The following OLA1 variants were observed in gnomAD, a reference collection of about 807,000 sequenced individuals.
OLA1 encodes obg-like ATPase 1.
A neutral mutation model predicts 48.4 loss-of-function variants in OLA1; 14 were observed. The ratio of observed to expected loss-of-function variants is 0.29; its 90% CI spans 0.19 to 0.45. The LOEUF (loss-of-function observed/expected upper bound fraction) is 0.45, where lower values mean the gene tolerates loss of function less well. Ranked by LOEUF, OLA1 falls within the 20% of genes least tolerant of loss-of-function variation. The pLI is 1.00. For missense variants in OLA1, 325 were observed against 467.1 expected, an observed-to-expected ratio of 0.70 and a Z score of 2.80; for synonymous variants, 127 against 150.4, an observed-to-expected ratio of 0.84 and a Z score of 1.14.
intron 7 of OLA1, among the ~76,000 whole-genome samples, chr2:174,084,250 A>T (rs981153952): frequency 1.3e-5 from 2 of 152,250 alleles, no homozygotes; most frequent in Non-Finnish European, 2.9e-5. Context: ...GTAAATGAGC[A>T]CTGAGGTCTA....
chr2:174,074,366 A>G lies in OLA1; in HGVS notation c.*1060T>C, dbSNP rs1169669856. Reference sequence around the variant, plus strand: ...CATCACAAGAGAAGGCTAAGTGGCAAAGGGTCTCCAAATTACCAATTTGTT... The same window carrying G: ...CATCACAAGAGAAGGCTAAGTGGCAGAGGGTCTCCAAATTACCAATTTGTT... On this transcript the variant is annotated 3_prime_UTR_variant, in exon 11 of 11. Coordinates refer to ENST00000284719, the MANE Select transcript of OLA1 (RefSeq NM_013341.5). 6.6e-6 allele frequency: 1 copy of G among 152,230 alleles called. No homozygotes were observed. Among genetic ancestry groups the G allele is most frequent in the Non-Finnish European group, 1.5e-5 (1 of 68,058 alleles). The allele number at this position is 152,230 out of a possible 1,614,324, so 9.4% of individuals were successfully genotyped here. A position where few individuals can be genotyped will look rare whatever the true frequency, so the allele number is the denominator to read the frequency against.
intron 2 of OLA1, among the ~76,000 whole-genome samples, chr2:174,246,455 G>A (rs989062061): frequency 7.9e-5 from 12 of 152,144 alleles, no homozygotes; most frequent in African/African-American, 2.9e-4. Flanking sequence ...TTATTATGGT[G>A]GAGCTTTCAA....
chr2:174,181,066 T>C (rs16862458), intron 4 of OLA1, among the ~76,000 whole-genome samples: 18,434 of 152,170 alleles, frequency 0.12, 1,756 homozygotes, highest in African/African-American at 0.26. Flanking sequence ...TCAACAAATA[T>C]TGAAGAGCAC....
intron 4 of OLA1, among the ~76,000 whole-genome samples, chr2:174,161,697 C>T (rs1273212251): frequency 1.3e-5 from 2 of 150,854 alleles, no homozygotes; most frequent in Admixed American, 6.6e-5. Flanking sequence ...CACACACACA[C>T]ACACACACAC....
At position 174,075,201 on chromosome 2, in the gene OLA1, T is replaced by A. The variant is rs1270628541; in HGVS notation, c.*225A>T. On this transcript the variant is annotated 3_prime_UTR_variant, in exon 11 of 11. Transcript: ENST00000284719. ...AAAGCTTCTACAATTTGGAGTAGGG[T>A]CTTAATCACGTGAAAAGCAAAGCTG... 2.3e-6 allele frequency: 1 copy of A among 435,460 alleles called. No homozygotes were observed. Among genetic ancestry groups the A allele is most frequent in the Non-Finnish European group, 4.1e-6 (1 of 244,450 alleles). The allele number at this position is 435,460 out of a possible 1,614,324, so 27.0% of individuals were successfully genotyped here. A position where few individuals can be genotyped will look rare whatever the true frequency, so the allele number is the denominator to read the frequency against.
intron 5 of OLA1, chr2:174,124,433 A>C (rs1442483629): frequency 1.3e-5 from 2 of 152,258 alleles, no homozygotes; most frequent in Non-Finnish European, 2.9e-5. Flanking sequence ...CTTTCTTCAC[A>C]GAAAGATTAA....
At chr2:174,099,747 T>C (rs1032257448) in intron 7 of OLA1, among the ~76,000 whole-genome samples, 3 of 152,188 alleles carry the variant, frequency 2.0e-5, no homozygotes, top group Non-Finnish European at 2.9e-5. Flanking sequence ...TATTCTTGAG[T>C]GGTTTCTCAT....
At chr2:174,176,631 T>C (rs1337979419) in intron 4 of OLA1, among the ~76,000 whole-genome samples, 1 of 152,110 alleles carries the variant, frequency 6.6e-6, no homozygotes, top group Non-Finnish European at 1.5e-5. Flanking sequence ...CCTGTGCTTA[T>C]GCAAGAAGGC....
In OLA1 at chr2:174,137,375, G is replaced by A. The variant is rs370902775; in HGVS notation, c.549+4450C>T. ...CCACTTATATAGCACAGGCAGAATA[G>A]ATTTAGTATAACTCGCAAAGGCTCT... On this transcript the variant is annotated intron_variant, in intron 5 of 10. Coordinates refer to ENST00000284719, the MANE Select transcript of OLA1 (RefSeq NM_013341.5). Among the ~76,000 whole-genome samples the A allele has an allele frequency of 6.3e-4, 96 of 152,340 alleles. 2 individuals carry two copies. The East Asian group carries it at 0.018, about 28-fold the overall frequency.
chr2:174,186,048 C>T (rs1008656054), intron 4 of OLA1, among the ~76,000 whole-genome samples: 5 of 152,032 alleles, frequency 3.3e-5, no homozygotes, highest in Non-Finnish European at 5.9e-5. Flanking sequence ...ATAAACTTTA[C>T]AAGAAATGTA....
intron 7 of OLA1, among the ~76,000 whole-genome samples, chr2:174,087,867 A>G (rs1354063506): frequency 6.6e-6 from 1 of 152,186 alleles, no homozygotes; most frequent in East Asian, 1.9e-4. Context: ...TTATATTACC[A>G]TTTATGGCAT....
chr2:174,128,648 A>C (rs569520591), intron 5 of OLA1, among the ~76,000 whole-genome samples: 29 of 151,908 alleles, frequency 1.9e-4, no homozygotes, highest in Non-Finnish European at 2.9e-4. Flanking sequence ...GAGGCAGTAG[A>C]ATCACTTGAA....
intron 2 of OLA1, 73 bp downstream of exon 2, chr2:174,246,642 C>T (rs540941240): frequency 3.0e-5 from 29 of 955,326 alleles, no homozygotes; most frequent in Middle Eastern, 3.3e-4. Flanking sequence ...AATTACCTCA[C>T]GGTTCCCATT....
At chr2:174,215,503 T>G (rs113795967) in intron 4 of OLA1, among the ~76,000 whole-genome samples, 23 of 152,258 alleles carry the variant, frequency 1.5e-4, no homozygotes, top group African/African-American at 5.1e-4. Context: ...TTTTGAAGAT[T>G]TGCAACAATT....
At chr2:174,140,597 A>G (rs1256874684) in intron 5 of OLA1, among the ~76,000 whole-genome samples, 1 of 152,028 alleles carries the variant, frequency 6.6e-6, no homozygotes, top group African/African-American at 2.4e-5. Context: ...CAATCTCCTG[A>G]TCTCAGGCGA....
At chr2:174,219,580 AC>A (rs1688452697) in intron 4 of OLA1, among the ~76,000 whole-genome samples, 1 of 151,764 alleles carries the variant, frequency 6.6e-6, no homozygotes, top group Admixed American at 6.6e-5. Context: ...GGCACATGCC[AC>A]CATACCCAGC....
Position 174,217,622 on chromosome 2 carries a change from G to A in OLA1, c.373+5411C>T, listed in dbSNP as rs371654736. Among the ~76,000 whole-genome samples, 7 of 152,044 alleles carry A rather than the reference G, an allele frequency of 4.6e-5. No homozygotes were observed. The East Asian group carries it at 5.8e-4, about 13-fold the overall frequency. ...ATATGCATACACCTGTGAAACCATC[G>A]CTACAAACAAGATTATGAGCATATC... is the stretch of plus-strand genomic sequence containing the variant. On this transcript the variant is annotated intron_variant, in intron 4 of 10. Transcript: ENST00000284719.
At chr2:174,136,866 AG>A (rs1327320897) in intron 5 of OLA1, among the ~76,000 whole-genome samples, 1 of 151,736 alleles carries the variant, frequency 6.6e-6, no homozygotes, top group Admixed American at 6.6e-5. Flanking sequence ...CAGTAGAGAC[AG>A]GGTTTCACCA....
intron 4 of OLA1, among the ~76,000 whole-genome samples, chr2:174,192,927 C>T (rs1002637006): frequency 2.0e-5 from 3 of 152,054 alleles, no homozygotes; most frequent in African/African-American, 4.8e-5. Flanking sequence ...TTTCTTTTTA[C>T]CTTTCATTTT....
Sources: allele counts gnomAD v4.1 joint callset (sites outside exome capture counted in the v4.1 genomes callset), GRCh38; gene constraint gnomAD v4.1.1; transcripts MANE v1.5; gene names NCBI Gene and HGNC (gene_info 2026-07-23, HGNC 2026-07-21).